The following NUDT5 variants were observed in gnomAD, a reference collection of about 807,000 sequenced individuals.
NUDT5 encodes nudix hydrolase 5.
Under a neutral mutation model 34.1 loss-of-function variants are expected in NUDT5, and 21 were observed. The ratio of observed to expected loss-of-function variants is 0.62; its 90% CI spans 0.44 to 0.89. The LOEUF is 0.89. Ranked by LOEUF, NUDT5 falls within the 40% of genes least tolerant of loss-of-function variation. The probability of loss-of-function intolerance (pLI) is 0.00; values close to 1 mark genes in which losing one functional copy is unlikely to be tolerated. For missense variants in NUDT5, 249 were observed against 274.8 expected, an observed-to-expected ratio of 0.91 and a Z score of 0.66; for synonymous variants, 85 against 97.6, an observed-to-expected ratio of 0.87 and a Z score of 0.76.
rs1051082975 is a variant in NUDT5 at position 12,182,765 on chromosome 10, C to T, written c.131+2124G>A. Among the ~76,000 whole-genome samples the T allele has an allele frequency of 4.6e-5, 7 of 152,294 alleles. No homozygotes were observed. Among genetic ancestry groups the T allele is most frequent in the African/African-American group, 1.7e-4 (7 of 41,560 alleles). ...TTATTTTTATTTTTTGAGATGGAGT[C>T]TCGCTCTGTCGCCCAGGCTGGAGTA... On this transcript the variant is annotated intron_variant, in intron 3 of 9. Coordinates refer to ENST00000491614, the MANE Select transcript of NUDT5 (RefSeq NM_014142.4). The surrounding 1 kb of genome is among the most constrained non-coding windows in gnomAD (Gnocchi z 4.3).
chr10:12,186,737 C>T (rs987029540), intron 1 of NUDT5, among the ~76,000 whole-genome samples: 6 of 151,734 alleles, frequency 4.0e-5, no homozygotes, highest in Non-Finnish European at 7.4e-5. Flanking sequence ...AAGTGATCCT[C>T]GTGCCTCAGC....
At chr10:12,188,213 A>T (rs1835159736) in intron 1 of NUDT5, among the ~76,000 whole-genome samples, 1 of 152,204 alleles carries the variant, frequency 6.6e-6, no homozygotes. Flanking sequence ...GGAAAAAGTG[A>T]GTCTGCTCTT....
In NUDT5 at chr10:12,171,897, G is replaced by T. The variant is rs979523956; in HGVS notation, c.487+868C>A. ...GCACCACCATGCCTGGCTAATTTTT[G>T]TATTTTTAGTAGAGTCAGGGTTTCA... On this transcript the variant is annotated intron_variant, in intron 7 of 9. Coordinates refer to ENST00000491614, the MANE Select transcript of NUDT5 (RefSeq NM_014142.4). The surrounding 1 kb of genome is among the most constrained non-coding windows in gnomAD (Gnocchi z 4.2). Among the ~76,000 whole-genome samples, 1 of 151,688 alleles carries T rather than the reference G, an allele frequency of 6.6e-6. No homozygotes were observed. The highest frequency in any genetic ancestry group is 1.5e-5 in the Non-Finnish European group (1 of 67,940).
intron 5 of NUDT5, among the ~76,000 whole-genome samples, chr10:12,174,380 C>A (rs1262978166): frequency 1.3e-5 from 2 of 151,816 alleles, no homozygotes; most frequent in Non-Finnish European, 2.9e-5. Flanking sequence ...GATTCTCCTG[C>A]CTCAGCCTCC....
Position 12,188,000 on chromosome 10 carries a change from G to A in NUDT5, c.-41-1668C>T, listed in dbSNP as rs768538618. Reference sequence around the variant, plus strand: ...TAAAAAATAAAAAAATTAGCCGGGTGTGGTGGTGGGCACCTGTAGTCCCAG... The same window carrying A: ...TAAAAAATAAAAAAATTAGCCGGGTATGGTGGTGGGCACCTGTAGTCCCAG... On this transcript the variant is annotated intron_variant, in intron 1 of 9. Coordinates refer to ENST00000491614, the MANE Select transcript of NUDT5 (RefSeq NM_014142.4). This position sits in a 1 kb window ranked among gnomAD's most constrained non-coding sequence, Gnocchi z 5.4. 3.9e-5 allele frequency among the ~76,000 whole-genome samples: 6 copies of A among 152,134 alleles called. No individual in the cohort carries two copies. The highest frequency in any genetic ancestry group is 8.8e-5 in the Non-Finnish European group (6 of 68,020).
intron 1 of NUDT5, among the ~76,000 whole-genome samples, chr10:12,190,497 G>A (rs1157105189): frequency 6.6e-6 from 1 of 151,954 alleles, no homozygotes; most frequent in African/African-American, 2.4e-5. Context: ...TTACAGTTTA[G>A]CAAGCACATC....
In NUDT5 at chr10:12,170,671, A is replaced by T. The variant is rs768727371; in HGVS notation, c.550+46T>A. The T allele has an allele frequency of 2.4e-5, 37 of 1,570,090 alleles. No homozygotes were observed. Among genetic ancestry groups the T allele is most frequent in the Non-Finnish European group, 3.1e-5 (35 of 1,141,980 alleles). ...TAGTACCCAGTTTGCTGGGATGGGG[A>T]CGGGGAGAACTGGAGAAACTGGGTG... On this transcript the variant is annotated intron_variant, in intron 9 of 9. Coordinates refer to ENST00000491614, the MANE Select transcript of NUDT5 (RefSeq NM_014142.4). This position sits in a 1 kb window ranked among gnomAD's most constrained non-coding sequence, Gnocchi z 4.9.
At position 12,170,920 on chromosome 10, in the gene NUDT5, C is replaced by T. The variant is rs189446580; in HGVS notation, c.488-12G>A. 1.6e-4 allele frequency: 252 copies of T among 1,613,112 alleles called. No individual in the cohort carries two copies. The highest frequency in any genetic ancestry group is 9.6e-4 in the South Asian group (87 of 90,872). ...CATACCTCCATCCCCTGGAAATAAA[C>T]AGAAGGAAAACATTTCAGCAAGGCC... On this transcript the variant is annotated splice_polypyrimidine_tract_variant and intron_variant, in intron 7 of 9. Transcript: ENST00000491614. The surrounding 1 kb of genome is among the most constrained non-coding windows in gnomAD (Gnocchi z 4.9).
rs1311777114 is a variant in NUDT5, at chr10:12,169,497, C to T, written c.550+1220G>A. 16 of 546,940 alleles carry T rather than the reference C, an allele frequency of 2.9e-5. No homozygotes were observed. The Admixed American group carries it at 4.4e-4, about 15-fold the overall frequency. The allele number at this position is 546,940 out of a possible 1,614,324, so 33.9% of individuals were successfully genotyped here. On this transcript the variant is annotated intron_variant, in intron 9 of 9. Coordinates refer to ENST00000491614, the MANE Select transcript of NUDT5 (RefSeq NM_014142.4). The surrounding 1 kb of genome is among the most constrained non-coding windows in gnomAD (Gnocchi z 4.8). ...TGGTCCGCGGAGCCTCAAACCGAGT[C>T]GGGCCTGTGACTCCGAGCTGCGCTG...
Position 12,181,185 on chromosome 10 carries a change from G to A in NUDT5, c.132-2053C>T, listed in dbSNP as rs200135985. On this transcript the variant is annotated intron_variant, in intron 3 of 9. Coordinates refer to ENST00000491614, the MANE Select transcript of NUDT5 (RefSeq NM_014142.4). The surrounding 1 kb of genome is among the most constrained non-coding windows in gnomAD (Gnocchi z 5.0). ...CATTATTCCCTAAACAATAGAGTAC[G>A]ACTGTTGACACAGCATTTGCATTGT... Among the ~76,000 whole-genome samples, 2 of 152,146 alleles carry A rather than the reference G, an allele frequency of 1.3e-5. No individual in the cohort carries two copies. Among genetic ancestry groups the A allele is most frequent in the East Asian group, 3.9e-4 (2 of 5,190 alleles).
chr10:12,167,647 A>G lies in NUDT5; in HGVS notation c.*55T>C. On this transcript the variant is annotated 3_prime_UTR_variant, in exon 10 of 10. Transcript: ENST00000491614. ...TAAACTAAGTTGAATACAAAGTCTT[A>G]GTGAAGAAGGCCTGGTGGTCTCGTT... 6.6e-7 allele frequency: 1 copy of G among 1,512,008 alleles called. No homozygotes were observed. Among genetic ancestry groups the G allele is most frequent in the East Asian group, 2.3e-5 (1 of 44,354 alleles). 93.7% of individuals were successfully genotyped at this position (1,512,008 alleles called of 1,614,324 possible).
Position 12,170,442 on chromosome 10 carries a change from T to C in NUDT5, c.550+275A>G. 1.6e-6 allele frequency: 1 copy of C among 615,560 alleles called. No homozygotes were observed. Among genetic ancestry groups the C allele is most frequent in the Non-Finnish European group, 2.9e-6 (1 of 350,542 alleles). 38.1% of individuals were successfully genotyped at this position (615,560 alleles called of 1,614,324 possible). On this transcript the variant is annotated intron_variant, in intron 9 of 9. Transcript: ENST00000491614. This position sits in a 1 kb window ranked among gnomAD's most constrained non-coding sequence, Gnocchi z 4.9. ...GTTTAAAGTGTAGAATCGTTTTGGCTACTCAGCAGGAATGTCATCTGGGCC... is the reference window on the plus strand; with the variant it reads ...GTTTAAAGTGTAGAATCGTTTTGGCCACTCAGCAGGAATGTCATCTGGGCC...
intron 7 of NUDT5, among the ~76,000 whole-genome samples, chr10:12,172,281 ATT>A (rs541492956): frequency 1.4e-5 from 2 of 146,244 alleles, no homozygotes; most frequent in African/African-American, 2.5e-5. Flanking sequence ...TACTTAGGCC[ATT>A]TTTTTTTTTT....
In NUDT5 at chr10:12,173,571, A is replaced by G; in HGVS notation, c.385+147T>C. ...CTTCTGGCTCCAGTTTCCTCCTGGGAGGGGAGATTCCCTTACACTTGGTGA... is the reference window on the plus strand; with the variant it reads ...CTTCTGGCTCCAGTTTCCTCCTGGGGGGGGAGATTCCCTTACACTTGGTGA... On this transcript the variant is annotated intron_variant, in intron 6 of 9. Transcript: ENST00000491614. The surrounding 1 kb of genome is among the most constrained non-coding windows in gnomAD (Gnocchi z 4.7). 1.5e-6 allele frequency: 1 copy of G among 648,296 alleles called. No homozygotes were observed. The highest frequency in any genetic ancestry group is 2.7e-6 in the Non-Finnish European group (1 of 364,550). The allele number at this position is 648,296 out of a possible 1,614,324, so 40.2% of individuals were successfully genotyped here.
Position 12,170,568 on chromosome 10 carries a change from G to T in NUDT5, c.550+149C>A, listed in dbSNP as rs1215568052. Reference sequence around the variant, plus strand: ...TGCCACCCAGAAAGGAAAATTAGTAGTGGTCACCTGCAGTTTTACAAGTTG... The same window carrying T: ...TGCCACCCAGAAAGGAAAATTAGTATTGGTCACCTGCAGTTTTACAAGTTG... On this transcript the variant is annotated intron_variant, in intron 9 of 9. Coordinates refer to ENST00000491614, the MANE Select transcript of NUDT5 (RefSeq NM_014142.4). The surrounding 1 kb of genome is among the most constrained non-coding windows in gnomAD (Gnocchi z 4.9). The T allele has an allele frequency of 1.3e-6, 1 of 776,170 alleles. No homozygotes were observed. The highest frequency in any genetic ancestry group is 2.2e-6 in the Non-Finnish European group (1 of 457,778). The allele number at this position is 776,170 out of a possible 1,614,324, so 48.1% of individuals were successfully genotyped here.
At position 12,169,553 on chromosome 10, in the gene NUDT5, A is replaced by T; in HGVS notation, c.550+1164T>A. ...TATTGATTGTCATGCCTTTCTCCAA[A>T]TACGCACCAGATAAACTATTGTATC... is the stretch of plus-strand genomic sequence containing the variant. On this transcript the variant is annotated intron_variant, in intron 9 of 9. Transcript: ENST00000491614. This position sits in a 1 kb window ranked among gnomAD's most constrained non-coding sequence, Gnocchi z 4.8. The T allele has an allele frequency of 2.2e-6, 1 of 456,398 alleles. No homozygotes were observed. Among genetic ancestry groups the T allele is most frequent in the Non-Finnish European group, 3.9e-6 (1 of 257,024 alleles). The allele number at this position is 456,398 out of a possible 1,614,324, so 28.3% of individuals were successfully genotyped here.
chr10:12,169,932 A>C lies in NUDT5; in HGVS notation c.550+785T>G. 1 of 572,752 alleles carries C rather than the reference A, an allele frequency of 1.7e-6. No homozygotes were observed. Among genetic ancestry groups the C allele is most frequent in the Non-Finnish European group, 3.1e-6 (1 of 320,250 alleles). 35.5% of individuals were successfully genotyped at this position (572,752 alleles called of 1,614,324 possible). On this transcript the variant is annotated intron_variant, in intron 9 of 9. Coordinates refer to ENST00000491614, the MANE Select transcript of NUDT5 (RefSeq NM_014142.4). This position sits in a 1 kb window ranked among gnomAD's most constrained non-coding sequence, Gnocchi z 4.8. Reference sequence around the variant, plus strand: ...CAGTTATCAATTACCTAAAACACTTATACCCAATAAAATATTCCCATGATG... The same window carrying C: ...CAGTTATCAATTACCTAAAACACTTCTACCCAATAAAATATTCCCATGATG...
Position 12,173,929 on chromosome 10 carries a change from C to CAG in NUDT5, c.290-117_290-116insCT. 2.8e-6 allele frequency: 2 copies of CAG among 724,726 alleles called. No homozygotes were observed. Among genetic ancestry groups the CAG allele is most frequent in the Non-Finnish European group, 4.9e-6 (2 of 412,206 alleles). The allele number at this position is 724,726 out of a possible 1,614,324, so 44.9% of individuals were successfully genotyped here. On this transcript the variant is annotated intron_variant, in intron 5 of 9. Coordinates refer to ENST00000491614, the MANE Select transcript of NUDT5 (RefSeq NM_014142.4). The surrounding 1 kb of genome is among the most constrained non-coding windows in gnomAD (Gnocchi z 4.7). ...TCGCCCAGGCTGGAGTGCAGTGGTGCGATCTCGGCCCACTGCAACCTCCGC... is the reference window on the plus strand; with the variant it reads ...TCGCCCAGGCTGGAGTGCAGTGGTGCAGGATCTCGGCCCACTGCAACCTCCGC...
At chr10:12,176,904 CTGA>C (rs1834958800) in intron 5 of NUDT5, among the ~76,000 whole-genome samples, 2 of 151,700 alleles carry the variant, frequency 1.3e-5, no homozygotes, top group Non-Finnish European at 2.9e-5. Context: ...GGTGGATCAC[CTGA>C]GGTCAGGAGT....
Sources: allele counts gnomAD v4.1 joint callset (sites outside exome capture counted in the v4.1 genomes callset), GRCh38; gene constraint gnomAD v4.1.1; non-coding constraint Gnocchi (gnomAD v3.1); transcripts MANE v1.5; gene names NCBI Gene and HGNC (gene_info 2026-07-23, HGNC 2026-07-21).